Variants in PTK2 observed in about 807,000 individuals in gnomAD.
The protein encoded by PTK2 is focal adhesion kinase 1.
Under a neutral mutation model 150.1 loss-of-function variants are expected in PTK2, and 45 were observed. The ratio of observed to expected loss-of-function variants is 0.30; its 90% CI spans 0.24 to 0.38. PTK2 has a LOEUF of 0.38. Ranked by LOEUF, PTK2 falls within the 10% of genes least tolerant of loss-of-function variation. The pLI is 1.00. For missense variants in PTK2, 919 were observed against 1,307.3 expected, an observed-to-expected ratio of 0.70 and a Z score of 4.58; for synonymous variants, 432 against 449.2, an observed-to-expected ratio of 0.96 and a Z score of 0.48.
intron 14 of PTK2, among the ~76,000 whole-genome samples, chr8:140,772,224 G>C (rs1171343176): frequency 6.6e-6 from 1 of 152,126 alleles, no homozygotes. Flanking sequence ...TAAGAAGATG[G>C]GCCTGCCAGC....
chr8:140,977,422 G>T (rs1174692649), intron 1 of PTK2, among the ~76,000 whole-genome samples: 1 of 152,116 alleles, frequency 6.6e-6, no homozygotes, highest in Non-Finnish European at 1.5e-5. Context: ...AGGAGATCGA[G>T]ACCATCCTGG....
chr8:140,668,530 A>C (rs961641743), intron 29 of PTK2, 106 bp from the exon 34 acceptor site: 1 of 1,299,074 alleles, frequency 7.7e-7, no homozygotes, highest in African/African-American at 1.5e-5. Context: ...CAGATTGCAG[A>C]AGGTCATTGA....
chr8:140,700,130 T>C (rs1265587043), intron 26 of PTK2, among the ~76,000 whole-genome samples: 2 of 152,216 alleles, frequency 1.3e-5, no homozygotes, highest in Admixed American at 1.3e-4. Context: ...ATGTATAATG[T>C]TCAGCATACT....
intron 12 of PTK2, 79 bp downstream of exon 12, chr8:140,800,380 G>A: frequency 1.8e-6 from 2 of 1,112,474 alleles, no homozygotes; most frequent in Admixed American, 1.7e-5. Context: ...CCTAAAAGAG[G>A]ATAACAGGCT....
chr8:140,664,484 A>C (rs7013757), intron 31 of PTK2, among the ~76,000 whole-genome samples: 5,277 of 152,192 alleles, frequency 0.035, 278 homozygotes, highest in African/African-American at 0.12. Context: ...GATCATTTGC[A>C]AGCTCAACTA....
In PTK2 at chr8:140,939,238, C is replaced by T. The variant is rs371695728; in HGVS notation, c.-121-13489G>A. Among the ~76,000 whole-genome samples, 6 of 151,944 alleles carry T rather than the reference C, an allele frequency of 3.9e-5. No homozygotes were observed. The South Asian group carries it at 6.2e-4, about 16-fold the overall frequency. On this transcript the variant is annotated intron_variant, in intron 1 of 31. Coordinates refer to ENST00000522684, the Ensembl canonical transcript of PTK2. The stretch of plus-strand genomic sequence containing the variant: ...TATTCTAAACATTTAAAGCCAGATT[C>T]GAAAAAACTATACATTTTATTTTTA...
At chr8:140,803,773 G>GA (rs1365198488) in intron 10 of PTK2, 123 bp from the exon 11 acceptor site, 13 of 827,786 alleles carry the variant, frequency 1.6e-5, no homozygotes, top group East Asian at 1.1e-4. Context: ...GAGGTCTGGG[G>GA]AAAAAAACAG....
intron 5 of PTK2, among the ~76,000 whole-genome samples, chr8:140,848,867 A>C (rs2100127313): frequency 6.6e-6 from 1 of 152,176 alleles, no homozygotes; most frequent in South Asian, 2.1e-4. Flanking sequence ...ATTTCAGAGG[A>C]ACTACTGCAG....
At chr8:140,873,445 A>G (rs1455429389) in intron 4 of PTK2, among the ~76,000 whole-genome samples, 1 of 150,430 alleles carries the variant, frequency 6.6e-6, no homozygotes, top group Non-Finnish European at 1.5e-5. Context: ...TTGTGTATCT[A>G]TTACTGAAGT....
At chr8:140,793,723 T>G (rs1268669295) in intron 12 of PTK2, among the ~76,000 whole-genome samples, 1 of 152,234 alleles carries the variant, frequency 6.6e-6, no homozygotes, top group Non-Finnish European at 1.5e-5. Context: ...CCAGGCATTC[T>G]GCACTTTGAT....
intron 5 of PTK2, among the ~76,000 whole-genome samples, chr8:140,855,297 A>G (rs1314695808): frequency 1.3e-5 from 2 of 150,810 alleles, no homozygotes; most frequent in East Asian, 3.9e-4. Flanking sequence ...TCTAGACTTA[A>G]AAAAAAAGGG....
intron 1 of PTK2, among the ~76,000 whole-genome samples, chr8:140,986,338 T>C (rs2100193243): frequency 6.6e-6 from 1 of 152,248 alleles, no homozygotes; most frequent in Non-Finnish European, 1.5e-5. Flanking sequence ...TTTGGCTTCT[T>C]AATTTCAAGC....
exon 9 of PTK2, chr8:140,818,894 T>C (rs143848575): frequency 6.2e-7 from 1 of 1,613,384 alleles, no homozygotes; most frequent in African/African-American, 1.3e-5. Context: ...AGAGCACACT[T>C]GAAGCATTCC....
chr8:140,819,375 A>C (rs990704526), intron 8 of PTK2, among the ~76,000 whole-genome samples: 2 of 152,222 alleles, frequency 1.3e-5, no homozygotes, highest in Non-Finnish European at 2.9e-5. Context: ...AGGGAAAAAA[A>C]CAGTATATCT....
chr8:140,888,287 T>C (rs1437309827), intron 3 of PTK2, among the ~76,000 whole-genome samples: 1 of 152,218 alleles, frequency 6.6e-6, no homozygotes, highest in East Asian at 1.9e-4. Context: ...ATTATGATAT[T>C]GCATTTTCAA....
At chr8:140,988,728 C>CAAAAAAAAAAAAAAAAAAAAAAAAAA (rs71310814) in intron 1 of PTK2, among the ~76,000 whole-genome samples, 1 of 69,960 alleles carries the variant, frequency 1.4e-5, no homozygotes, top group Non-Finnish European at 2.6e-5. Flanking sequence ...GACTCCATCC[C>CAAAAAAAAAAAAAAAAAAAAAAAAAA]AAAAAAAAAA....
At chr8:140,978,682 C>T (rs2100190251) in intron 1 of PTK2, among the ~76,000 whole-genome samples, 1 of 151,824 alleles carries the variant, frequency 6.6e-6, no homozygotes, top group Non-Finnish European at 1.5e-5. Flanking sequence ...ACTAGTTCAA[C>T]CATTGTGGAA....
At chr8:140,816,299 T>C (rs1013540108) in intron 10 of PTK2, among the ~76,000 whole-genome samples, 3 of 152,190 alleles carry the variant, frequency 2.0e-5, no homozygotes, top group Non-Finnish European at 2.9e-5. Context: ...CTGAAAAAGA[T>C]TGAGATCTTA....
At chr8:141,000,717 A>C (rs1189635413) in intron 1 of PTK2, among the ~76,000 whole-genome samples, 1 of 27,652 alleles carries the variant, frequency 3.6e-5, no homozygotes, top group Admixed American at 5.0e-4. Flanking sequence ...CACGTCCCCC[A>C]GCCTTTCTGT....
Sources: gnomAD v4.1 joint callset for allele counts (sites outside exome capture counted in the v4.1 genomes callset) on GRCh38, gnomAD v4.1.1 for gene constraint, MANE v1.5 for transcripts, NCBI Gene and HGNC (gene_info 2026-07-23, HGNC 2026-07-21) for gene names.